The following CEP112 variants were observed in gnomAD, a reference collection of about 807,000 sequenced individuals.
CEP112 encodes the protein centrosomal protein 112, also known as centrosomal protein of 112 kDa.
Under a neutral mutation model 153.0 loss-of-function variants are expected in CEP112, and 127 were observed. The ratio of observed to expected loss-of-function variants is 0.83; its 90% CI spans 0.72 to 0.96. CEP112 has a LOEUF of 0.96. CEP112 is among the 40% of genes least tolerant of loss of function. The pLI is 0.00. For synonymous variants in CEP112, 358 were observed against 374.4 expected (o/e 0.96, Z 0.51); for missense variants, 1,089 against 1,101.2 (o/e 0.99, Z 0.16).
chr17:66,112,447 T>A (rs201983306), intron 6 of CEP112, among the ~76,000 whole-genome samples: 3 of 59,814 alleles, frequency 5.0e-5, no homozygotes, highest in South Asian at 1.2e-3. Flanking sequence ...ATATAAAAAA[T>A]ATAAAGTAAT....
intron 4 of CEP112, among the ~76,000 whole-genome samples, chr17:66,133,730 T>G (rs1028480964): frequency 6.6e-6 from 1 of 152,162 alleles, no homozygotes; most frequent in Non-Finnish European, 1.5e-5. Flanking sequence ...TGAATTAAAG[T>G]CACTAACATT....
intron 17 of CEP112, among the ~76,000 whole-genome samples, chr17:65,961,984 G>C (rs1299564231): frequency 6.6e-6 from 1 of 152,140 alleles, no homozygotes; most frequent in Non-Finnish European, 1.5e-5. Context: ...AAAACATTCA[G>C]CTAAGTGAAA....
At chr17:65,788,956 C>T (rs763862722) in intron 21 of CEP112, among the ~76,000 whole-genome samples, 115 of 152,236 alleles carry the variant, frequency 7.6e-4, no homozygotes, top group Non-Finnish European at 1.4e-3. Context: ...TAAATAATTG[C>T]CCCATTCCAT....
chr17:65,826,140 T>C (rs1208466615), intron 21 of CEP112: 4 of 1,613,846 alleles, frequency 2.5e-6, no homozygotes, highest in Non-Finnish European at 3.4e-6. Context: ...GTTCTTACCT[T>C]CTTCTCTTTG....
intron 19 of CEP112, among the ~76,000 whole-genome samples, chr17:65,916,539 C>T (rs8077118): frequency 1.9e-4 from 28 of 146,014 alleles, no homozygotes; most frequent in Non-Finnish European, 2.3e-4. Context: ...AAAACAGCTT[C>T]TTTTTTTTTT....
intron 23 of CEP112, among the ~76,000 whole-genome samples, chr17:65,703,519 G>GA: frequency 8.9e-5 from 3 of 33,786 alleles, no homozygotes; most frequent in South Asian, 2.0e-3. Context: ...TCAAAAAAAA[G>GA]AAGGAAAAAA....
chr17:66,074,447 C>T (rs2067410695), intron 8 of CEP112, among the ~76,000 whole-genome samples: 1 of 152,052 alleles, frequency 6.6e-6, no homozygotes, highest in Non-Finnish European at 1.5e-5. Context: ...CCAAAAATTT[C>T]CCAAGTTTGA....
chr17:66,132,535 G>A (rs2146545191), intron 5 of CEP112, 135 bp downstream of exon 5: 1 of 677,940 alleles, frequency 1.5e-6, no homozygotes, highest in Admixed American at 2.2e-5. Context: ...TTTAACATCA[G>A]GATGTTCACC....
intron 24 of CEP112, among the ~76,000 whole-genome samples, chr17:65,649,183 A>T (rs559876659): frequency 1.4e-4 from 22 of 152,294 alleles, no homozygotes; most frequent in African/African-American, 5.3e-4. Context: ...TTTATAATAA[A>T]ACAAAAACTA....
At chr17:65,732,740 G>A (rs1046568380) in intron 23 of CEP112, among the ~76,000 whole-genome samples, 31 of 152,294 alleles carry the variant, frequency 2.0e-4, no homozygotes, top group African/African-American at 4.8e-4. Flanking sequence ...ACAAACCTCT[G>A]CTAGCTTCAG....
chr17:66,183,474 G>A (rs549142556), intron 1 of CEP112, among the ~76,000 whole-genome samples, 167 bp from the exon 2 acceptor site: 1 of 152,238 alleles, frequency 6.6e-6, no homozygotes, highest in African/African-American at 2.4e-5. Context: ...TATTTGTAGA[G>A]ATAAGCTTAA....
At chr17:66,161,799 T>C (rs752489732) in intron 4 of CEP112, among the ~76,000 whole-genome samples, 5 of 151,948 alleles carry the variant, frequency 3.3e-5, no homozygotes, top group Non-Finnish European at 4.4e-5. Flanking sequence ...ACCTGCACAT[T>C]CTACACATGT....
intron 19 of CEP112, among the ~76,000 whole-genome samples, chr17:65,905,264 A>C (rs2143652627): frequency 6.6e-6 from 1 of 152,342 alleles, no homozygotes; most frequent in South Asian, 2.1e-4. Flanking sequence ...CAAGAAAAAA[A>C]ACAACCCCAT....
intron 16 of CEP112, among the ~76,000 whole-genome samples, chr17:66,024,677 C>T (rs557844163): frequency 2.6e-5 from 4 of 152,078 alleles, no homozygotes; most frequent in Non-Finnish European, 5.9e-5. Context: ...ACATCTCATG[C>T]TCACGGATTA....
At chr17:66,066,208 C>G (rs993756798) in intron 10 of CEP112, among the ~76,000 whole-genome samples, 1 of 152,150 alleles carries the variant, frequency 6.6e-6, no homozygotes, top group African/African-American at 2.4e-5. Context: ...CTCCTCATGC[C>G]GGACTTTCCA....
At chr17:65,836,186 A>G (rs2057300287) in intron 21 of CEP112, among the ~76,000 whole-genome samples, 1 of 152,242 alleles carries the variant, frequency 6.6e-6, no homozygotes, top group African/African-American at 2.4e-5. Flanking sequence ...ACTACCAAAG[A>G]AAATCAGTTA....
chr17:66,070,490 T>A (rs895693596), intron 8 of CEP112, among the ~76,000 whole-genome samples: 5 of 152,112 alleles, frequency 3.3e-5, no homozygotes, highest in Non-Finnish European at 7.4e-5. Flanking sequence ...GGCAAATTAC[T>A]GATTAGTGCA....
intron 3 of CEP112, among the ~76,000 whole-genome samples, chr17:66,176,455 A>G (rs2072476749): frequency 6.6e-6 from 1 of 152,182 alleles, no homozygotes. Context: ...ATGCACTCCA[A>G]CCTCTCATAA....
chr17:65,914,067 CA>C (rs1445698068), intron 19 of CEP112, among the ~76,000 whole-genome samples: 2 of 151,654 alleles, frequency 1.3e-5, no homozygotes, highest in Non-Finnish European at 2.9e-5. Flanking sequence ...ATGGACAACT[CA>C]AGCCACACAA....
Sources: allele counts gnomAD v4.1 joint callset (sites outside exome capture counted in the v4.1 genomes callset), GRCh38; gene constraint gnomAD v4.1.1; transcripts MANE v1.5; gene names NCBI Gene and HGNC (gene_info 2026-07-23, HGNC 2026-07-21).